Variants in PCDHGA4 observed in about 807,000 individuals in gnomAD.
The protein encoded by PCDHGA4 is protocadherin gamma subfamily A, 4.
In PCDHGA4, 38 loss-of-function variants were observed where a neutral mutation model predicts 54.6. The observed-to-expected ratio is 0.70, with a 90% CI of 0.54 to 0.91. The LOEUF (loss-of-function observed/expected upper bound fraction) is 0.91. PCDHGA4 is among the 40% of genes least tolerant of loss of function. The probability of loss-of-function intolerance (pLI) is 0.00; values close to 1 mark genes in which losing one functional copy is unlikely to be tolerated. For synonymous variants in PCDHGA4, 511 were observed against 512.9 expected (o/e 1.00, Z 0.05); for missense variants, 1,298 against 1,220.9 (o/e 1.06, Z -0.94).
chr5:141,389,356 C>T lies in PCDHGA4; in HGVS notation c.2514+31735C>T, dbSNP rs188323445. 2.1e-5 allele frequency: 34 copies of T among 1,613,916 alleles called. No homozygotes were observed. The Middle Eastern group carries it at 1.6e-3, about 78-fold the overall frequency. ...GGCCAAGTCTCTTACTGCATCATGG[C>T]CAGTGACCTGGAGCAGCGGGAGCTG... On this transcript the variant is annotated intron_variant, in intron 1 of 3. Transcript: ENST00000571252.
chr5:141,454,948 C>T (rs2098807728), intron 1 of PCDHGA4, among the ~76,000 whole-genome samples: 1 of 151,548 alleles, frequency 6.6e-6, no homozygotes, highest in Non-Finnish European at 1.5e-5. Flanking sequence ...GCTGGGACTA[C>T]AGGCGCCGGC....
At chr5:141,366,405 A>G (rs774336426) in intron 1 of PCDHGA4, 3 of 1,614,106 alleles carry the variant, frequency 1.9e-6, no homozygotes, top group Non-Finnish European at 1.7e-6. Context: ...CTCACACTCT[A>G]TCTTGTGGTG....
chr5:141,400,493 A>G, intron 1 of PCDHGA4: 2 of 1,614,014 alleles, frequency 1.2e-6, no homozygotes, highest in South Asian at 2.2e-5. Flanking sequence ...CCACTTTGTA[A>G]TTCCAGCGAG....
At chr5:141,385,391 A>G (rs1781168651) in intron 1 of PCDHGA4, 1 of 1,505,360 alleles carries the variant, frequency 6.6e-7, no homozygotes, top group Non-Finnish European at 8.9e-7. Context: ...TTATTTTGCA[A>G]AACAAATGTT....
chr5:141,356,530 G>A lies in PCDHGA4; in HGVS notation c.1423G>A (p.Asp475Asn). ...TETHISLQVM[D>N]INDNPPTFPH... ...AACTCATATTTCACTGCAAGTGATGGACATCAATGACAACCCACCCACTTT... is the reference window on the plus strand; with the variant it reads ...AACTCATATTTCACTGCAAGTGATGAACATCAATGACAACCCACCCACTTT... Residue 475 changes from aspartate to asparagine, a missense_variant, in exon 1 of 4, where the codon GAC (aspartate) becomes AAC (asparagine). Asp to Asn is a conservative substitution (Grantham distance 23). Transcript: ENST00000571252. 2 of 1,613,812 alleles carry A rather than the reference G, an allele frequency of 1.2e-6. No individual in the cohort carries two copies. Among genetic ancestry groups the A allele is most frequent in the Non-Finnish European group, 1.7e-6 (2 of 1,179,712 alleles).
intron 1 of PCDHGA4, among the ~76,000 whole-genome samples, chr5:141,369,500 C>G (rs1329582945): frequency 2.0e-5 from 3 of 151,738 alleles, no homozygotes; most frequent in Non-Finnish European, 4.4e-5. Context: ...AACCCCACCT[C>G]TATAGAAAAA....
At chr5:141,379,148 C>A (rs1775403253) in intron 1 of PCDHGA4, 1 of 152,174 alleles carries the variant, frequency 6.6e-6, no homozygotes, top group East Asian at 1.9e-4. Flanking sequence ...TCCTTTGTAA[C>A]CTGACTTTGT....
chr5:141,474,628 A>C (rs1169097645), intron 1 of PCDHGA4, among the ~76,000 whole-genome samples: 1 of 152,234 alleles, frequency 6.6e-6, no homozygotes, highest in Non-Finnish European at 1.5e-5. Flanking sequence ...TCTCTTCCGG[A>C]AATATCCTAT....
chr5:141,433,042 G>C (rs752612411), intron 1 of PCDHGA4: 6 of 1,614,142 alleles, frequency 3.7e-6, no homozygotes, highest in Non-Finnish European at 5.1e-6. Flanking sequence ...CCCTCACCAC[G>C]GACTCGCGGA....
intron 1 of PCDHGA4, chr5:141,388,479 C>T (rs1345463224): frequency 4.3e-6 from 7 of 1,613,652 alleles, no homozygotes; most frequent in Non-Finnish European, 1.7e-6. Flanking sequence ...ATTGAAGACA[C>T]CTTTGGACAG....
chr5:141,376,504 T>C, intron 1 of PCDHGA4: 1 of 1,614,034 alleles, frequency 6.2e-7, no homozygotes, highest in African/African-American at 1.3e-5. Context: ...CCAGGCAACT[T>C]CAGGTGAGTT....
chr5:141,429,450 A>G (rs1326036711), intron 1 of PCDHGA4, among the ~76,000 whole-genome samples: 1 of 152,114 alleles, frequency 6.6e-6, no homozygotes, highest in East Asian at 1.9e-4. Context: ...CTTGGGCTAC[A>G]GTAATCCTCC....
chr5:141,469,505 G>T (rs2099202987), intron 1 of PCDHGA4, among the ~76,000 whole-genome samples: 1 of 152,138 alleles, frequency 6.6e-6, no homozygotes. Flanking sequence ...AACCCGGGAG[G>T]TGGAGGTTGC....
chr5:141,380,927 T>C (rs1776861991), intron 1 of PCDHGA4, among the ~76,000 whole-genome samples: 2 of 152,248 alleles, frequency 1.3e-5, no homozygotes, highest in African/African-American at 2.4e-5. Context: ...TTAATAATCA[T>C]ACACTTTGCT....
intron 1 of PCDHGA4, chr5:141,419,521 C>T (rs1418329404): frequency 1.2e-6 from 2 of 1,612,122 alleles, no homozygotes; most frequent in East Asian, 2.2e-5. Context: ...TGGTGGGCGA[C>T]CGTAACGACA....
chr5:141,505,377 C>G lies in PCDHGA4; in HGVS notation c.2574-16C>G, dbSNP rs1368451336. 1.9e-6 allele frequency: 3 copies of G among 1,614,036 alleles called. No homozygotes were observed. In the East Asian group the frequency reaches 6.7e-5, roughly 36 times the overall value. On this transcript the variant is annotated splice_polypyrimidine_tract_variant and intron_variant, in intron 2 of 3. Coordinates refer to ENST00000571252, the MANE Select transcript of PCDHGA4 (RefSeq NM_018917.4). Reference sequence around the variant, plus strand: ...CGGCCTGGGAGTCTGTGCTCACCATCCTACTCTCTCCCCAGCTCCCAAAAT... The same window carrying G: ...CGGCCTGGGAGTCTGTGCTCACCATGCTACTCTCTCCCCAGCTCCCAAAAT...
intron 1 of PCDHGA4, chr5:141,403,468 C>G: frequency 6.2e-7 from 1 of 1,614,054 alleles, no homozygotes; most frequent in Non-Finnish European, 8.5e-7. Flanking sequence ...GCTACCAGCT[C>G]AGCCCCAATC....
At chr5:141,383,393 A>G in intron 1 of PCDHGA4, 1 of 1,613,922 alleles carries the variant, frequency 6.2e-7, no homozygotes, top group Non-Finnish European at 8.5e-7. Context: ...GTGGGCACGA[A>G]CTCCCTCCAG....
intron 1 of PCDHGA4, among the ~76,000 whole-genome samples, chr5:141,470,459 AT>A: frequency 6.6e-6 from 1 of 152,096 alleles, no homozygotes; most frequent in East Asian, 1.9e-4. Flanking sequence ...CTTGAATAGG[AT>A]TTTCTGATAT....
Sources: allele counts gnomAD v4.1 joint callset (sites outside exome capture counted in the v4.1 genomes callset), GRCh38; gene constraint gnomAD v4.1.1; transcripts MANE v1.5; gene names NCBI Gene and HGNC (gene_info 2026-07-23, HGNC 2026-07-21).